KCNT2: variants seen among roughly 807,000 people sequenced by gnomAD.
KCNT2 encodes the protein potassium sodium-activated channel subfamily T member 2.
A neutral mutation model predicts 153.8 loss-of-function variants in KCNT2; 67 were observed. The ratio of observed to expected loss-of-function variants is 0.44; its 90% CI spans 0.36 to 0.53. KCNT2 has a LOEUF of 0.53. Ranked by LOEUF, KCNT2 falls within the 20% of genes least tolerant of loss-of-function variation. The probability of loss-of-function intolerance (pLI) is 0.00; values close to 1 mark genes in which losing one functional copy is unlikely to be tolerated. For synonymous variants in KCNT2, 500 were observed against 458.8 expected (o/e 1.09, Z -1.15); for missense variants, 975 against 1,354.8 (o/e 0.72, Z 4.40).
At chr1:196,448,314 C>A (rs1222043881) in intron 8 of KCNT2, among the ~76,000 whole-genome samples, 1 of 151,552 alleles carries the variant, frequency 6.6e-6, no homozygotes, top group Non-Finnish European at 1.5e-5. Context: ...AGGCAATAGG[C>A]AGGGAGCCAA....
At chr1:196,494,304 A>G (rs562542146) in intron 1 of KCNT2, among the ~76,000 whole-genome samples, 3 of 152,352 alleles carry the variant, frequency 2.0e-5, no homozygotes, top group Admixed American at 2.0e-4. Context: ...AGCAAAGGCC[A>G]TGCAGATTTG....
At chr1:196,236,304 G>C (rs1050023914) in intron 26 of KCNT2, among the ~76,000 whole-genome samples, 2 of 151,268 alleles carry the variant, frequency 1.3e-5, no homozygotes, top group African/African-American at 4.8e-5. Context: ...ATCTAATTCT[G>C]TTCAGAATAA....
At chr1:196,588,045 C>A (rs1473564854) in intron 1 of KCNT2, among the ~76,000 whole-genome samples, 1 of 151,904 alleles carries the variant, frequency 6.6e-6, no homozygotes, top group African/African-American at 2.4e-5. Context: ...TTTGAAAAAC[C>A]TTTTCTATCA....
chr1:196,241,560 T>C (rs1361772521), intron 26 of KCNT2, among the ~76,000 whole-genome samples: 1 of 152,080 alleles, frequency 6.6e-6, no homozygotes, highest in African/African-American at 2.4e-5. Flanking sequence ...ATTATTTTCA[T>C]TATCATTCAA....
chr1:196,298,931 A>G (rs1174859686), intron 22 of KCNT2, among the ~76,000 whole-genome samples: 1 of 151,680 alleles, frequency 6.6e-6, no homozygotes, highest in South Asian at 2.1e-4. Context: ...CCAGCTAGTT[A>G]TCTCAGATTT....
intron 16 of KCNT2, among the ~76,000 whole-genome samples, chr1:196,338,873 T>C (rs1160434336): frequency 7.3e-6 from 1 of 137,922 alleles, no homozygotes; most frequent in East Asian, 2.1e-4. Context: ...TGATGAGGTA[T>C]GAGAAGAGCG....
intron 8 of KCNT2, among the ~76,000 whole-genome samples, chr1:196,432,260 T>G (rs2878558): frequency 0.62 from 94,073 of 151,904 alleles, 29,849 homozygotes; most frequent in Middle Eastern, 0.76. Context: ...TTCAAAGGAT[T>G]CCTTGGAGAG....
chr1:196,547,207 ACT>A (rs752289983), intron 1 of KCNT2, among the ~76,000 whole-genome samples: 12 of 152,012 alleles, frequency 7.9e-5, no homozygotes, highest in Middle Eastern at 3.4e-3. Flanking sequence ...AAAATTAAAA[ACT>A]CAGGATGCTC....
At chr1:196,429,502 A>T in intron 9 of KCNT2, 75 bp downstream of exon 9, 1 of 966,004 alleles carries the variant, frequency 1.0e-6, no homozygotes, top group Non-Finnish European at 1.5e-6. Flanking sequence ...GCCACTTTCC[A>T]TTTCTTATTA....
intron 24 of KCNT2, 71 bp from the exon 25 acceptor site, chr1:196,281,059 CTTTA>C: frequency 8.3e-7 from 1 of 1,208,662 alleles, no homozygotes; most frequent in Non-Finnish European, 1.2e-6. Context: ...CTTTACATTT[CTTTA>C]TTTGCTTATT....
chr1:196,368,137 C>T (rs551949789), intron 14 of KCNT2, among the ~76,000 whole-genome samples: 1 of 152,248 alleles, frequency 6.6e-6, no homozygotes, highest in East Asian at 1.9e-4. Flanking sequence ...TATTACATTA[C>T]ATGGGGCAGA....
chr1:196,422,020 A>G (rs1673250621), intron 12 of KCNT2, among the ~76,000 whole-genome samples: 1 of 152,034 alleles, frequency 6.6e-6, no homozygotes, highest in Admixed American at 6.6e-5. Flanking sequence ...ACACCTTATC[A>G]CCACATAAGT....
intron 14 of KCNT2, among the ~76,000 whole-genome samples, chr1:196,347,854 C>T (rs556726206): frequency 1.3e-5 from 2 of 152,220 alleles, no homozygotes; most frequent in South Asian, 4.2e-4. Flanking sequence ...TGACCCTCAG[C>T]TTAATCATTA....
intron 1 of KCNT2, among the ~76,000 whole-genome samples, chr1:196,575,164 T>C (rs1661207997): frequency 6.6e-6 from 1 of 152,156 alleles, no homozygotes; most frequent in Non-Finnish European, 1.5e-5. Context: ...ATTTTCAAGA[T>C]CTATGATCTG....
At chr1:196,284,776 C>T (rs1027831317) in intron 23 of KCNT2, among the ~76,000 whole-genome samples, 1 of 152,230 alleles carries the variant, frequency 6.6e-6, no homozygotes, top group African/African-American at 2.4e-5. Flanking sequence ...TGGTTCCTGA[C>T]GTTGCTAGAG....
chr1:196,393,597 A>T (rs909640894), intron 13 of KCNT2, among the ~76,000 whole-genome samples: 1 of 138,286 alleles, frequency 7.2e-6, no homozygotes, highest in Non-Finnish European at 1.6e-5. Context: ...GGGTGTGTGC[A>T]TGTATGTGTG....
intron 8 of KCNT2, among the ~76,000 whole-genome samples, chr1:196,435,013 C>T (rs2148561758): frequency 6.6e-6 from 1 of 151,024 alleles, no homozygotes; most frequent in African/African-American, 2.4e-5. Context: ...ACAGGTAAGA[C>T]TGGAAGAAAA....
chr1:196,321,241 C>T (rs1663284143), intron 19 of KCNT2, among the ~76,000 whole-genome samples: 4 of 151,820 alleles, frequency 2.6e-5, no homozygotes, highest in Admixed American at 1.3e-4. Context: ...CTCCACATCT[C>T]TCTCACCCTG....
chr1:196,240,161 C>A (rs1251542407), intron 26 of KCNT2, among the ~76,000 whole-genome samples: 1 of 151,966 alleles, frequency 6.6e-6, no homozygotes, highest in South Asian at 2.1e-4. Context: ...GTCAGAGGAA[C>A]ATTCTATATA....
Sources: allele counts gnomAD v4.1 joint callset (sites outside exome capture counted in the v4.1 genomes callset), GRCh38; gene constraint gnomAD v4.1.1; transcripts MANE v1.5; gene names NCBI Gene and HGNC (gene_info 2026-07-23, HGNC 2026-07-21).